The following YEATS4 variants were observed in gnomAD, a reference collection of about 807,000 sequenced individuals.
YEATS4 encodes YEATS domain containing 4, also known as YEATS domain-containing protein 4.
YEATS4 carries 17 observed loss-of-function variants against 30.1 expected under a neutral mutation model. That is an observed-to-expected ratio of 0.56 (90% CI 0.39 to 0.85). The LOEUF (loss-of-function observed/expected upper bound fraction) is 0.85. Among genes scored for constraint, YEATS4 ranks in the 40% least tolerant of loss-of-function variants. The pLI is 0.00. For synonymous variants in YEATS4, 85 were observed against 87.5 expected, an observed-to-expected ratio of 0.97 and a Z score of 0.16; for missense variants, 142 against 268.3, an observed-to-expected ratio of 0.53 and a Z score of 3.29.
rs1875400340 is a variant in YEATS4, at chr12:69,365,663, T to G, written c.202T>G (p.Phe68Val). 2 of 1,611,652 alleles carry G rather than the reference T, an allele frequency of 1.2e-6. No individual in the cohort carries two copies. The highest frequency in any genetic ancestry group is 1.7e-6 in the Non-Finnish European group (2 of 1,178,322). Residue 68 changes from phenylalanine (F) to valine (V), a missense_variant, in exon 3 of 7, where the codon TTT becomes GTT. By Grantham distance (50) the Phe-to-Val change is conservative. Coordinates refer to ENST00000247843, the MANE Select transcript of YEATS4 (RefSeq NM_006530.4). The part of the protein sequence containing the change: ...DMSAYVKKIQ[F>V]KLHESYGNPL... Reference sequence around the variant, plus strand: ...GTCAGCATATGTGAAGAAAATCCAGTTTAAATTACATGAAAGCTATGGCAA... The same window carrying G: ...GTCAGCATATGTGAAGAAAATCCAGGTTAAATTACATGAAAGCTATGGCAA...
At chr12:69,412,820 T>C in the YEATS4 span, among the ~76,000 whole-genome samples, 1 of 151,778 alleles carries the variant, frequency 6.6e-6, no homozygotes, top group Non-Finnish European at 1.5e-5. Context: ...AGGGTTATAA[T>C]AGGATGACAT....
chr12:69,362,683 A>T, intron 1 of YEATS4, 105 bp from the exon 2 acceptor site: 1 of 823,824 alleles, frequency 1.2e-6, no homozygotes, highest in Non-Finnish European at 1.7e-6. Context: ...AGCAAACTAT[A>T]GATTGTTAGC....
At chr12:69,360,723 T>C (rs1592845180) in intron 1 of YEATS4, among the ~76,000 whole-genome samples, 1 of 150,834 alleles carries the variant, frequency 6.6e-6, no homozygotes, top group African/African-American at 2.4e-5. Flanking sequence ...TGGAGCGCAA[T>C]GGCACGATCT....
At chr12:69,401,261 C>T in the YEATS4 span, 2 of 151,774 alleles carry the variant, frequency 1.3e-5, no homozygotes, top group African/African-American at 2.4e-5. Context: ...ATAGGAAATA[C>T]TTTCATGTGT....
intron 6 of YEATS4, among the ~76,000 whole-genome samples, chr12:69,377,243 T>C (rs1875905826): frequency 6.6e-6 from 1 of 152,212 alleles, no homozygotes; most frequent in African/African-American, 2.4e-5. Context: ...GCTTTTCTCA[T>C]TTTTTACAAT....
chr12:69,374,492 G>A lies in YEATS4; in HGVS notation c.514+3517G>A, dbSNP rs1219954965. Among the ~76,000 whole-genome samples, 3 of 151,908 alleles carry A rather than the reference G, an allele frequency of 2.0e-5. No individual in the cohort carries two copies. The East Asian group carries it at 5.8e-4, about 29-fold the overall frequency. ...GGCAGGATCATAGGACAATAGTGGA[G>A]GGAAGGTCAGCAGATAAACATGTGA... On this transcript the variant is annotated intron_variant, in intron 6 of 6. Coordinates refer to ENST00000247843, the MANE Select transcript of YEATS4 (RefSeq NM_006530.4).
At chr12:69,407,994 G>A in the YEATS4 span, among the ~76,000 whole-genome samples, 2 of 152,196 alleles carry the variant, frequency 1.3e-5, no homozygotes, top group Non-Finnish European at 2.9e-5. Flanking sequence ...GGGATTACAG[G>A]CGTGAGCCAC....
chr12:69,389,174 G>A (rs1004410884), intron 6 of YEATS4, among the ~76,000 whole-genome samples: 3 of 152,112 alleles, frequency 2.0e-5, no homozygotes, highest in Non-Finnish European at 2.9e-5. Flanking sequence ...CCTGGGCCGG[G>A]CCTGGTGGCT....
At chr12:69,413,373 A>C in the YEATS4 span, among the ~76,000 whole-genome samples, 1 of 149,476 alleles carries the variant, frequency 6.7e-6, no homozygotes, top group Non-Finnish European at 1.5e-5. Context: ...AAAAAAAAAA[A>C]ACTACTAATT....
At chr12:69,403,587 A>G in the YEATS4 span, among the ~76,000 whole-genome samples, 2 of 151,946 alleles carry the variant, frequency 1.3e-5, no homozygotes, top group African/African-American at 2.4e-5. Flanking sequence ...AAAAAAAAAA[A>G]AAAAGAAAAA....
intron 6 of YEATS4, among the ~76,000 whole-genome samples, chr12:69,377,297 A>G (rs1244543933): frequency 1.3e-5 from 2 of 152,118 alleles, no homozygotes; most frequent in Admixed American, 6.6e-5. Flanking sequence ...CTATTTGGCT[A>G]CAGACATTTA....
At chr12:69,389,085 A>C (rs1455318417) in intron 6 of YEATS4, among the ~76,000 whole-genome samples, 1 of 152,228 alleles carries the variant, frequency 6.6e-6, no homozygotes, top group African/African-American at 2.4e-5. Context: ...CTGGGATTCA[A>C]ATTTTAGCAG....
At chr12:69,411,327 G>T in the YEATS4 span, among the ~76,000 whole-genome samples, 1 of 152,016 alleles carries the variant, frequency 6.6e-6, no homozygotes, top group Admixed American at 6.6e-5. Context: ...ATGGGGTTTC[G>T]CCATGTTGCC....
the YEATS4 span, among the ~76,000 whole-genome samples, chr12:69,405,398 A>G: frequency 1.4e-4 from 22 of 152,344 alleles, no homozygotes; most frequent in African/African-American, 5.3e-4. Context: ...TCATGGATAG[A>G]TGATTCATTC....
intron 6 of YEATS4, among the ~76,000 whole-genome samples, chr12:69,372,545 T>TTTTTG (rs1565677447): frequency 6.7e-6 from 1 of 149,286 alleles, no homozygotes; most frequent in Non-Finnish European, 1.5e-5. Flanking sequence ...GAGTTTTTTT[T>TTTTTG]TTTTTTTGAG....
At chr12:69,401,580 G>C in the YEATS4 span, among the ~76,000 whole-genome samples, 1 of 152,240 alleles carries the variant, frequency 6.6e-6, no homozygotes. Context: ...GGCAATCTAT[G>C]CTTCCTTTGG....
At chr12:69,405,997 C>G in the YEATS4 span, among the ~76,000 whole-genome samples, 1 of 152,166 alleles carries the variant, frequency 6.6e-6, no homozygotes, top group Non-Finnish European at 1.5e-5. Flanking sequence ...TTAAAACCTG[C>G]CTATGTTCCA....
chr12:69,371,762 C>T (rs1336947656), intron 6 of YEATS4, among the ~76,000 whole-genome samples: 1 of 152,074 alleles, frequency 6.6e-6, no homozygotes, highest in Non-Finnish European at 1.5e-5. Context: ...ATAAACAGAA[C>T]AAGGAAGTAT....
chr12:69,379,583 ATTTTTTTTTTTTTTTTTTTTTTTTTTT>A lies in YEATS4; in HGVS notation c.514+8619_514+8645del, dbSNP rs61048163. 6.9e-5 allele frequency among the ~76,000 whole-genome samples: 5 copies of A among 72,272 alleles called. No individual in the cohort carries two copies. In the East Asian group the frequency reaches 1.9e-3, roughly 27 times the overall value. The allele number at this position is 72,272 out of a possible 152,430, so 47.4% of individuals were successfully genotyped here. A position where few individuals can be genotyped will look rare whatever the true frequency, so the allele number is the denominator to read the frequency against. ...CACATGCCACCACTATGCCCAGCTA[ATTTTTTTTTTTTTTTTTTTTTTTTTTT>A]TTTTTTTTTTGGTGGAGATGGGGTT... is the stretch of plus-strand genomic sequence containing the variant. On this transcript the variant is annotated intron_variant, in intron 6 of 6. Coordinates refer to ENST00000247843, the MANE Select transcript of YEATS4 (RefSeq NM_006530.4).
Sources: gnomAD v4.1 joint callset for allele counts (sites outside exome capture counted in the v4.1 genomes callset) on GRCh38, gnomAD v4.1.1 for gene constraint, MANE v1.5 for transcripts, NCBI Gene and HGNC (gene_info 2026-07-23, HGNC 2026-07-21) for gene names.